The following CSMD2 variants were observed in gnomAD, a reference collection of about 807,000 sequenced individuals.
CSMD2 encodes CUB and Sushi multiple domains 2.
In CSMD2, 130 loss-of-function variants were observed where a neutral mutation model predicts 398.5. The ratio of observed to expected loss-of-function variants is 0.33; its 90% CI spans 0.28 to 0.38. The LOEUF is 0.38. Ranked by LOEUF, CSMD2 falls within the 10% of genes least tolerant of loss-of-function variation. CSMD2 has a pLI of 1.00. For synonymous variants in CSMD2, 1,828 were observed against 1,908.5 expected (o/e 0.96, Z 1.10); for missense variants, 3,829 against 4,764.9 (o/e 0.80, Z 5.78).
chr1:33,961,097 T>C (rs1645343326), intron 3 of CSMD2, among the ~76,000 whole-genome samples: 1 of 152,240 alleles, frequency 6.6e-6, no homozygotes, highest in African/African-American at 2.4e-5. Flanking sequence ...GCCAATCCCC[T>C]ACTTGCCAGC....
chr1:34,001,750 G>A (rs1646910747), intron 3 of CSMD2, among the ~76,000 whole-genome samples: 2 of 152,148 alleles, frequency 1.3e-5, no homozygotes, highest in South Asian at 2.1e-4. Flanking sequence ...ACACAACCCT[G>A]AGGATTGTAC....
At chr1:33,599,382 A>T (rs2148797974) in intron 44 of CSMD2, 1 of 152,378 alleles carries the variant, frequency 6.6e-6, no homozygotes, top group South Asian at 2.1e-4. Flanking sequence ...TAATCATGAC[A>T]ATGATGACTA....
chr1:33,825,574 G>T, intron 7 of CSMD2, 123 bp downstream of exon 7: 1 of 874,496 alleles, frequency 1.1e-6, no homozygotes, highest in Non-Finnish European at 1.8e-6. Context: ...CAGAGCCCAG[G>T]ATGGAGGAAG....
chr1:34,158,572 C>A (rs893343251), intron 1 of CSMD2, among the ~76,000 whole-genome samples: 2 of 152,194 alleles, frequency 1.3e-5, no homozygotes, highest in Non-Finnish European at 2.9e-5. Context: ...AAAAGACTCC[C>A]CCCACTGGGT....
At chr1:33,588,790 C>T (rs1233502018) in intron 44 of CSMD2, among the ~76,000 whole-genome samples, 1 of 152,072 alleles carries the variant, frequency 6.6e-6, no homozygotes, top group Non-Finnish European at 1.5e-5. Context: ...GAAGGTCTAG[C>T]TATGAAAGAC....
chr1:33,801,532 C>G (rs1430384988), intron 10 of CSMD2, among the ~76,000 whole-genome samples: 1 of 152,194 alleles, frequency 6.6e-6, no homozygotes, highest in Non-Finnish European at 1.5e-5. Context: ...CTCACATGTT[C>G]AAATATCGCT....
intron 12 of CSMD2, among the ~76,000 whole-genome samples, chr1:33,778,015 G>T (rs1652225448): frequency 6.6e-6 from 1 of 152,140 alleles, no homozygotes; most frequent in Non-Finnish European, 1.5e-5. Context: ...GGCTTCACTG[G>T]CTCCTTCACT....
chr1:33,686,728 A>G (rs1356055258), intron 25 of CSMD2, among the ~76,000 whole-genome samples: 1 of 152,164 alleles, frequency 6.6e-6, no homozygotes, highest in African/African-American at 2.4e-5. Flanking sequence ...AGGGAGATGC[A>G]TCTGCAAGCC....
intron 21 of CSMD2, among the ~76,000 whole-genome samples, chr1:33,710,788 T>C (rs1645961528): frequency 6.6e-6 from 1 of 152,142 alleles, no homozygotes; most frequent in Admixed American, 6.5e-5. Flanking sequence ...AAGCTGCTCA[T>C]GGGCTTAGTT....
At position 33,973,785 on chromosome 1, in the gene CSMD2, A is replaced by G. The variant is rs74068626; in HGVS notation, c.518-37831T>C. ...AGGGACAGGCTCTCTAGGCAGATGC[A>G]CTGAGGAGAAGGTGCCTTCTAGTTT... On this transcript the variant is annotated intron_variant, in intron 3 of 70. Coordinates refer to ENST00000373381, the MANE Select transcript of CSMD2 (RefSeq NM_001281956.2). Among the ~76,000 whole-genome samples the G allele has an allele frequency of 9.2e-3, 1,394 of 152,286 alleles. 18 individuals carry two copies. The highest frequency in any genetic ancestry group is 0.032 in the African/African-American group (1,315 of 41,560).
At chr1:33,994,006 C>G (rs887211764) in intron 3 of CSMD2, among the ~76,000 whole-genome samples, 13 of 152,230 alleles carry the variant, frequency 8.5e-5, no homozygotes, top group Non-Finnish European at 1.9e-4. Flanking sequence ...AAAAAGGTCA[C>G]GTTCTGTTAA....
chr1:33,550,227 C>A lies in CSMD2; in HGVS notation c.8867G>T (p.Arg2956Leu). Residue 2956 changes from arginine to leucine, a missense_variant, in exon 56 of 71, where the codon CGC becomes CTC. By Grantham distance (102) the Arg-to-Leu change is moderately radical. This residue lies in a region of CSMD2 where 917 missense variants were observed against 1,199.5 expected (regional missense o/e 0.76). Transcript: ENST00000373381. ...GKRTLVGNST[R>L]MCGLDGHWTG... ...CCAGTGTCCATCCAGCCCACACATG[C>A]GGGTGCTGTTTCCCACCAGAGTACG... 6.2e-7 allele frequency: 1 copy of A among 1,614,194 alleles called. No homozygotes were observed. The highest frequency in any genetic ancestry group is 8.5e-7 in the Non-Finnish European group (1 of 1,180,036).
chr1:34,137,726 G>T (rs148364695), intron 1 of CSMD2, among the ~76,000 whole-genome samples: 23 of 152,320 alleles, frequency 1.5e-4, no homozygotes, highest in Non-Finnish European at 3.2e-4. Flanking sequence ...AATTGGGAAG[G>T]CAAGGAACCT....
intron 1 of CSMD2, among the ~76,000 whole-genome samples, chr1:34,095,506 C>G (rs1659176081): frequency 1.3e-5 from 2 of 151,358 alleles, no homozygotes; most frequent in Admixed American, 1.3e-4. Flanking sequence ...AATAGATAGA[C>G]CGCTAGCAAG....
At position 33,577,317 on chromosome 1, in the gene CSMD2, C is replaced by G; in HGVS notation, c.7555G>C (p.Glu2519Gln). The G allele has an allele frequency of 6.2e-7, 1 of 1,610,776 alleles. No individual in the cohort carries two copies. Among genetic ancestry groups the G allele is most frequent in the Non-Finnish European group, 8.5e-7 (1 of 1,177,926 alleles). Residue 2519 changes from glutamate to glutamine, a missense_variant, in exon 49 of 71, where the codon GAA (glutamate) becomes CAA (glutamine). Physicochemically the swap from Glu to Gln is conservative, Grantham distance 29 (BLOSUM62 2). Transcript: ENST00000373381. ...RHPQGYHLWS[E>Q]AIPLCQALSC... ...TCACCTTGACAGAGAGGGATGGCTT[C>G]GCTCCACAGGTGGTAGCCCTGGGGG...
chr1:33,707,683 A>ACGCGCGCG (rs148089714), intron 22 of CSMD2, among the ~76,000 whole-genome samples: 1 of 72,262 alleles, frequency 1.4e-5, no homozygotes, highest in African/African-American at 6.4e-5. Flanking sequence ...ACGCGTGCAC[A>ACGCGCGCG]CGCGCGCGCG....
chr1:33,543,572 A>G (rs1656568252), intron 57 of CSMD2, among the ~76,000 whole-genome samples: 2 of 152,220 alleles, frequency 1.3e-5, no homozygotes, highest in South Asian at 4.1e-4. Context: ...GAGGCTCATC[A>G]GTGATTTCGG....
chr1:34,069,524 A>G (rs1423662423), intron 2 of CSMD2, among the ~76,000 whole-genome samples: 2 of 152,198 alleles, frequency 1.3e-5, no homozygotes. Context: ...TCCAAAGTCA[A>G]AGAGGTAGTA....
chr1:33,856,513 C>T (rs1436258499), intron 5 of CSMD2, among the ~76,000 whole-genome samples: 1 of 152,114 alleles, frequency 6.6e-6, no homozygotes, highest in African/African-American at 2.4e-5. Context: ...TTGCAGAAGC[C>T]TCCGCTGCTT....
Sources: gnomAD v4.1 joint callset for allele counts (sites outside exome capture counted in the v4.1 genomes callset) on GRCh38, gnomAD v4.1.1 for gene constraint, gnomAD v4.1.1 regional missense constraint, MANE v1.5 for transcripts, NCBI Gene and HGNC (gene_info 2026-07-23, HGNC 2026-07-21) for gene names.